The following TXNRD3 variants were observed in gnomAD, a reference collection of about 807,000 sequenced individuals.
TXNRD3 encodes the protein thioredoxin reductase 3, also known as TXNRD3 neighbor gene protein.
Under a neutral mutation model 78.2 loss-of-function variants are expected in TXNRD3, and 68 were observed. The ratio of observed to expected loss-of-function variants is 0.87; its 90% CI spans 0.72 to 1.06. The LOEUF (loss-of-function observed/expected upper bound fraction) is 1.06. TXNRD3 is among the 50% of genes least tolerant of loss of function. TXNRD3 has a pLI of 0.00. For missense variants in TXNRD3, 751 were observed against 809.5 expected (o/e 0.93, Z 0.88); for synonymous variants, 296 against 300.1 (o/e 0.99, Z 0.14).
In TXNRD3 at chr3:126,646,169, G is replaced by C. The variant is rs1049246272; in HGVS notation, c.356C>G (p.Thr119Ser). 3 of 1,534,198 alleles carry C rather than the reference G, an allele frequency of 2.0e-6. No individual in the cohort carries two copies. Among genetic ancestry groups the C allele is most frequent in the Non-Finnish European group, 2.6e-6 (3 of 1,146,150 alleles). The change falls in exon 3 of 16, where the codon ACT (threonine) becomes AGT (serine). Residue 119 changes from threonine (T) to serine (S), a missense_variant. Thr to Ser is a moderately conservative substitution (Grantham distance 58, BLOSUM62 1). Transcript: ENST00000524230. The stretch of plus-strand genomic sequence containing the variant: ...TTTATTCACGAAAATATTGGGCACA[G>C]TTTTCTGATTAGTGATTTCTGACAG...
In TXNRD3 at chr3:126,633,820, CT is replaced by C. The variant is rs1266015606; in HGVS notation, c.855+88del. The C allele has an allele frequency of 9.6e-6, 11 of 1,150,260 alleles. No individual in the cohort carries two copies. The South Asian group carries it at 1.8e-4, about 19-fold the overall frequency. 71.3% of individuals were successfully genotyped at this position (1,150,260 alleles called of 1,614,324 possible). A position where few individuals can be genotyped will look rare whatever the true frequency, so the allele number is the denominator to read the frequency against. ...GTGTGCACGCACGCCTGTTACACCC[CT>C]TAACATGCAACATGAAATTTTAGTT... On this transcript the variant is annotated intron_variant, in intron 7 of 15. Transcript: ENST00000524230.
At chr3:126,621,967 A>G in intron 11 of TXNRD3, 69 bp from the exon 12 acceptor site, 2 of 1,273,242 alleles carry the variant, frequency 1.6e-6, no homozygotes, top group Non-Finnish European at 2.0e-6. Context: ...GACTAATACT[A>G]TTAGCCAAAA....
chr3:126,653,252 T>C lies in TXNRD3; in HGVS notation c.243+1496A>G, dbSNP rs1306906912. 1.3e-5 allele frequency among the ~76,000 whole-genome samples: 2 copies of C among 152,380 alleles called. 1 individual carries two copies. Among genetic ancestry groups the C allele is most frequent in the East Asian group, 3.9e-4 (2 of 5,192 alleles). On this transcript the variant is annotated intron_variant, in intron 1 of 15. Transcript: ENST00000524230. ...TAAAACTGGTTTTGTTACATGCCAT[T>C]TGGCTTAAGGTTGGTTTCCAAGAAC...
rs1216294116 is a variant in TXNRD3, at chr3:126,640,364, C to G, written c.712+1668G>C. Among the ~76,000 whole-genome samples, 12 of 8,382 alleles carry G rather than the reference C, an allele frequency of 1.4e-3. 3 individuals carry two copies. The highest frequency in any genetic ancestry group is 5.3e-3 in the Admixed American group (2 of 374). The allele number at this position is 8,382 out of a possible 152,430, so 5.5% of individuals were successfully genotyped here. A position where few individuals can be genotyped will look rare whatever the true frequency, so the allele number is the denominator to read the frequency against. ...CCTCGTGATCCGCCCGCCTCGGCCT[C>G]CCAAAGTGCTGGGATTACAGGCGTG... is the stretch of plus-strand genomic sequence containing the variant. On this transcript the variant is annotated intron_variant, in intron 6 of 15. Coordinates refer to ENST00000524230, the MANE Select transcript of TXNRD3 (RefSeq NM_052883.3).
At chr3:126,645,904 A>C (rs973997458) in intron 3 of TXNRD3, among the ~76,000 whole-genome samples, 1 of 152,220 alleles carries the variant, frequency 6.6e-6, no homozygotes. Context: ...TGGTGCCCTC[A>C]CACAAAAATC....
At chr3:126,632,879 C>T (rs904294031) in intron 7 of TXNRD3, among the ~76,000 whole-genome samples, 1 of 152,040 alleles carries the variant, frequency 6.6e-6, no homozygotes, top group Admixed American at 6.6e-5. Context: ...TGGAGTTTCT[C>T]GCCTGCAGAC....
intron 13 of TXNRD3, among the ~76,000 whole-genome samples, chr3:126,612,268 G>A (rs1035963560): frequency 2.6e-5 from 4 of 152,024 alleles, no homozygotes; most frequent in African/African-American, 4.8e-5. Context: ...GAACTCCTAA[G>A]CTCAAGTGAC....
chr3:126,635,816 T>G (rs1444346611), intron 6 of TXNRD3, among the ~76,000 whole-genome samples: 1 of 152,222 alleles, frequency 6.6e-6, no homozygotes, highest in Non-Finnish European at 1.5e-5. Flanking sequence ...TTTTCCATTA[T>G]ACATGTGAGT....
At chr3:126,633,803 G>T in intron 7 of TXNRD3, 106 bp downstream of exon 7, 1 of 773,762 alleles carries the variant, frequency 1.3e-6, no homozygotes, top group Non-Finnish European at 1.9e-6. Flanking sequence ...GTGTGTGCAC[G>T]CACGCCTGTT....
At chr3:126,651,968 C>T (rs1250789340) in intron 1 of TXNRD3, among the ~76,000 whole-genome samples, 1 of 152,064 alleles carries the variant, frequency 6.6e-6, no homozygotes, top group Non-Finnish European at 1.5e-5. Flanking sequence ...AGGAAAAGAA[C>T]GATAGAAGCA....
At chr3:126,644,484 T>G in intron 3 of TXNRD3, 83 bp from the exon 4 acceptor site, 1 of 883,212 alleles carries the variant, frequency 1.1e-6, no homozygotes, top group South Asian at 1.9e-5. Flanking sequence ...TCAACTGGTA[T>G]GGATTTCTTT....
At chr3:126,637,490 T>C (rs1932934794) in intron 6 of TXNRD3, among the ~76,000 whole-genome samples, 1 of 152,192 alleles carries the variant, frequency 6.6e-6, no homozygotes, top group African/African-American at 2.4e-5. Context: ...TAACTACCAC[T>C]GATATTATTT....
At chr3:126,636,083 C>A (rs1938854525) in intron 6 of TXNRD3, among the ~76,000 whole-genome samples, 1 of 152,112 alleles carries the variant, frequency 6.6e-6, no homozygotes, top group Non-Finnish European at 1.5e-5. Context: ...AGGCATGAGC[C>A]ACCATGCCCA....
intron 2 of TXNRD3, 29 bp downstream of exon 2, chr3:126,647,207 C>A (rs776581225): frequency 1.4e-5 from 21 of 1,489,868 alleles, no homozygotes; most frequent in Admixed American, 2.1e-5. Flanking sequence ...TTATTATAAA[C>A]AACACTATGT....
intron 10 of TXNRD3, among the ~76,000 whole-genome samples, chr3:126,623,851 CCAAAAA>C (rs1938509668): frequency 1.1e-5 from 1 of 89,760 alleles, no homozygotes; most frequent in Non-Finnish European, 2.3e-5. Flanking sequence ...TGAAACAAGG[CCAAAAA>C]AAAAAAAAAA....
Position 126,654,841 on chromosome 3 carries a change from C to T in TXNRD3, c.150G>A (p.Glu50=), listed in dbSNP as rs991365038. ...GGTGGCGGCGCAGCTCCTCGCGGGC[C>T]TCGGACGAGCGGCTGGGCCCGGGGG... The change falls in exon 1 of 16, where the codon GAG becomes GAA. Residue 50 remains glutamate, a synonymous_variant. Transcript: ENST00000524230. The T allele has an allele frequency of 2.2e-6, 3 of 1,372,388 alleles. No homozygotes were observed. The highest frequency in any genetic ancestry group is 2.8e-6 in the Non-Finnish European group (3 of 1,068,034). The allele number at this position is 1,372,388 out of a possible 1,614,324, so 85.0% of individuals were successfully genotyped here.
Position 126,655,060 on chromosome 3 carries a change from G to C in TXNRD3, c.-70C>G. On this transcript the variant is annotated 5_prime_UTR_variant, in exon 1 of 16. Transcript: ENST00000524230. ...GAAACGCAGGCGGCTGCGGCGCCGG[G>C]ACGGGGCCTGAGGGGCGGCGAACGC... 1.5e-6 allele frequency: 2 copies of C among 1,292,488 alleles called. No individual in the cohort carries two copies. The highest frequency in any genetic ancestry group is 2.2e-5 in the South Asian group (1 of 44,796). The allele number at this position is 1,292,488 out of a possible 1,614,324, so 80.1% of individuals were successfully genotyped here. A position where few individuals can be genotyped will look rare whatever the true frequency, so the allele number is the denominator to read the frequency against.
At chr3:126,622,722 A>G (rs777789450) in intron 10 of TXNRD3, among the ~76,000 whole-genome samples, 182 bp from the exon 11 acceptor site, 1 of 152,234 alleles carries the variant, frequency 6.6e-6, no homozygotes, top group Non-Finnish European at 1.5e-5. Context: ...ACCAAACTTC[A>G]CAAGTCTGAA....
At chr3:126,632,699 A>T (rs1938751415) in intron 7 of TXNRD3, among the ~76,000 whole-genome samples, 1 of 151,856 alleles carries the variant, frequency 6.6e-6, no homozygotes, top group Admixed American at 6.6e-5. Flanking sequence ...ACAAAAAAGA[A>T]ACAACAAAAA....
Sources: gnomAD v4.1 joint callset for allele counts (sites outside exome capture counted in the v4.1 genomes callset) on GRCh38, gnomAD v4.1.1 for gene constraint, MANE v1.5 for transcripts, NCBI Gene and HGNC (gene_info 2026-07-23, HGNC 2026-07-21) for gene names.